Variants in PDCD11 observed in about 807,000 individuals in gnomAD.
The protein encoded by PDCD11 is programmed cell death 11.
PDCD11 carries 97 observed loss-of-function variants against 198.9 expected under a neutral mutation model. The ratio of observed to expected loss-of-function variants is 0.49; its 90% CI spans 0.41 to 0.58. The LOEUF is 0.58. Among genes scored for constraint, PDCD11 ranks in the 20% least tolerant of loss-of-function variants. The pLI, the probability that PDCD11 is intolerant of heterozygous loss-of-function variation, is 0.00. For missense variants in PDCD11, 2,102 were observed against 2,312.7 expected, an observed-to-expected ratio of 0.91 and a Z score of 1.87; for synonymous variants, 893 against 918.0, an observed-to-expected ratio of 0.97 and a Z score of 0.49.
intron 8 of PDCD11, among the ~76,000 whole-genome samples, chr10:103,410,516 A>G (rs562329549): frequency 3.9e-5 from 6 of 152,114 alleles, no homozygotes; most frequent in Non-Finnish European, 5.9e-5. Flanking sequence ...AAAAAATTTT[A>G]AAAAGTACCT....
rs1458530309 is a variant in PDCD11, at chr10:103,400,608, T to C, written c.234+80T>C. On this transcript the variant is annotated intron_variant, in intron 3 of 35. Coordinates refer to ENST00000369797, the MANE Select transcript of PDCD11 (RefSeq NM_014976.2). ...GTATGTTCTTTTTTTCTTCTTTCCT[T>C]CTTTTTTCCCTTAATTCCATTTTCC... The C allele has an allele frequency of 2.1e-6, 3 of 1,404,634 alleles. No individual in the cohort carries two copies. In the East Asian group the frequency reaches 6.9e-5, roughly 32 times the overall value. The allele number at this position is 1,404,634 out of a possible 1,614,324, so 87.0% of individuals were successfully genotyped here.
rs1592120865 is a variant in PDCD11 at position 103,413,973 on chromosome 10, A to G, written c.1193A>G (p.His398Arg). The G allele has an allele frequency of 1.2e-6, 2 of 1,611,180 alleles. No homozygotes were observed. The highest frequency in any genetic ancestry group is 4.5e-5 in the East Asian group (2 of 44,870). Residue 398 changes from histidine (H) to arginine (R), a missense_variant, in exon 10 of 36, where the codon CAT (histidine) becomes CGT (arginine). Coordinates refer to ENST00000369797, the MANE Select transcript of PDCD11 (RefSeq NM_014976.2). ...TCACTTGGTACTTTGCAGCTCAGCC[A>G]TCTCTCTGATTCTAAGAACGTCTTC... ...DGVLAYARLS[H>R]LSDSKNVFNP...
chr10:103,418,300 G>A, intron 14 of PDCD11, 140 bp from the exon 15 acceptor site: 1 of 675,796 alleles, frequency 1.5e-6, no homozygotes. Flanking sequence ...TGGTTGGGGT[G>A]GTGGGTGGGG....
intron 2 of PDCD11, 85 bp from the exon 3 acceptor site, chr10:103,400,312 T>C: frequency 3.5e-6 from 4 of 1,158,994 alleles, no homozygotes; most frequent in Non-Finnish European, 4.7e-6. Flanking sequence ...CAAAGCAAGG[T>C]GAGTGATGAC....
chr10:103,426,824 G>T (rs1442591523), intron 20 of PDCD11, among the ~76,000 whole-genome samples: 2 of 151,462 alleles, frequency 1.3e-5, no homozygotes, highest in Non-Finnish European at 2.9e-5. Flanking sequence ...GGGTGTAGTG[G>T]CTGAACCCTG....
At chr10:103,418,859 G>A (rs1435129034) in intron 15 of PDCD11, among the ~76,000 whole-genome samples, 1 of 152,186 alleles carries the variant, frequency 6.6e-6, no homozygotes, top group Non-Finnish European at 1.5e-5. Context: ...CAGAGAGGGG[G>A]ACTCTCGGAG....
At chr10:103,403,070 ATTG>A in intron 3 of PDCD11, 45 bp from the exon 4 acceptor site, 3 of 1,558,236 alleles carry the variant, frequency 1.9e-6, no homozygotes, top group Non-Finnish European at 1.8e-6. Flanking sequence ...AACCTTCCCT[ATTG>A]TTGTTCCCAT....
chr10:103,445,386 T>C lies in PDCD11; in HGVS notation c.5453T>C (p.Phe1818Ser). 1 of 1,614,200 alleles carries C rather than the reference T, an allele frequency of 6.2e-7. No individual in the cohort carries two copies. Among genetic ancestry groups the C allele is most frequent in the Non-Finnish European group, 8.5e-7 (1 of 1,180,036 alleles). Residue 1818 changes from phenylalanine to serine, a missense_variant, in exon 36 of 36, where the codon TTT (phenylalanine) becomes TCT (serine). By Grantham distance (155) the Phe-to-Ser change is radical (BLOSUM62 -2). Transcript: ENST00000369797. ...HGSQKDVRDI[F>S]ERVIHLSLAP... ...CTGCTTTTCCTCAACAGGGACATCT[T>C]TGAGCGGGTCATTCATCTGAGCTTG...
chr10:103,439,910 A>G (rs747010461), intron 28 of PDCD11, 42 bp downstream of exon 28: 2 of 1,612,452 alleles, frequency 1.2e-6, no homozygotes, highest in Admixed American at 3.3e-5. Flanking sequence ...AATGTGAATC[A>G]AACCCCTTTC....
intron 21 of PDCD11, among the ~76,000 whole-genome samples, chr10:103,428,071 T>C (rs989063334): frequency 6.6e-6 from 1 of 152,122 alleles, no homozygotes; most frequent in African/African-American, 2.4e-5. Context: ...TTTTGGAGGC[T>C]GAGGCAGATG....
chr10:103,415,952 A>G (rs2031084304), intron 12 of PDCD11, among the ~76,000 whole-genome samples: 1 of 152,200 alleles, frequency 6.6e-6, no homozygotes, highest in African/African-American at 2.4e-5. Flanking sequence ...AGTTTATCTC[A>G]TCGTTATTGA....
At chr10:103,424,019 G>C (rs182012563) in intron 19 of PDCD11, among the ~76,000 whole-genome samples, 6 of 152,282 alleles carry the variant, frequency 3.9e-5, no homozygotes, top group Non-Finnish European at 7.4e-5. Flanking sequence ...ATTGTTGCCG[G>C]GTGGGAATCT....
rs982775599 is a variant in PDCD11, at chr10:103,418,023, G to A, written c.1911+91G>A. 14 of 1,423,876 alleles carry A rather than the reference G, an allele frequency of 9.8e-6. No homozygotes were observed. In the East Asian group the frequency reaches 1.4e-4, roughly 14 times the overall value. 88.2% of individuals were successfully genotyped at this position (1,423,876 alleles called of 1,614,324 possible). A position where few individuals can be genotyped will look rare whatever the true frequency, so the allele number is the denominator to read the frequency against. On this transcript the variant is annotated intron_variant, in intron 14 of 35. Coordinates refer to ENST00000369797, the MANE Select transcript of PDCD11 (RefSeq NM_014976.2). ...CATGGCATATTGGAACCCACGAAGC[G>A]GAAAGATAGAGGTAGCTAGATAAGA...
chr10:103,430,245 G>C (rs952897996), intron 21 of PDCD11, among the ~76,000 whole-genome samples: 1 of 152,106 alleles, frequency 6.6e-6, no homozygotes, highest in Non-Finnish European at 1.5e-5. Context: ...TGCCTGCCTC[G>C]GCCTCCCAAA....
intron 1 of PDCD11, among the ~76,000 whole-genome samples, chr10:103,398,190 C>A (rs2093447386): frequency 1.3e-5 from 2 of 152,226 alleles, no homozygotes; most frequent in African/African-American, 2.4e-5. Flanking sequence ...GAATCTATAA[C>A]TTCTTTTTCT....
intron 3 of PDCD11, among the ~76,000 whole-genome samples, chr10:103,401,761 G>T (rs1347704911): frequency 1.3e-5 from 2 of 150,682 alleles, no homozygotes; most frequent in East Asian, 2.0e-4. Flanking sequence ...TTTTTGAGAC[G>T]GAGTCTCGCA....
Position 103,406,767 on chromosome 10 carries a change from G to A in PDCD11, c.847G>A (p.Val283Met). 6.2e-7 allele frequency: 1 copy of A among 1,614,064 alleles called. No homozygotes were observed. Among genetic ancestry groups the A allele is most frequent in the Non-Finnish European group, 8.5e-7 (1 of 1,179,956 alleles). Residue 283 changes from valine (V) to methionine (M), a missense_variant, in exon 7 of 36, where the codon GTG becomes ATG. Coordinates refer to ENST00000369797, the MANE Select transcript of PDCD11 (RefSeq NM_014976.2). ...CCTTAATAACTTGCTACCAGGACTG[G>A]TGGTCAAAGCTCAGGTACAGAAGGT... ...WNLNNLLPGL[V>M]VKAQVQKVTP...
intron 8 of PDCD11, 126 bp downstream of exon 8, chr10:103,409,932 G>A: frequency 2.9e-6 from 2 of 693,480 alleles, no homozygotes; most frequent in East Asian, 2.6e-5. Context: ...GAGATGAGAG[G>A]AATAATGAAA....
At chr10:103,406,245 A>G in intron 6 of PDCD11, 137 bp downstream of exon 6, 1 of 951,744 alleles carries the variant, frequency 1.1e-6, no homozygotes, top group South Asian at 1.7e-5. Flanking sequence ...CCAGCACTTA[A>G]TCCTAGTTAA....
Sources: gnomAD v4.1 joint callset for allele counts (sites outside exome capture counted in the v4.1 genomes callset) on GRCh38, gnomAD v4.1.1 for gene constraint, MANE v1.5 for transcripts, NCBI Gene and HGNC (gene_info 2026-07-23, HGNC 2026-07-21) for gene names.